The following IGF2BP3 variants were observed in gnomAD, a reference collection of about 807,000 sequenced individuals.
The protein encoded by IGF2BP3 is insulin-like growth factor 2 mRNA-binding protein 3.
In IGF2BP3, 9 loss-of-function variants were observed where a neutral mutation model predicts 73.8. The ratio of observed to expected loss-of-function variants is 0.12; its 90% confidence interval spans 0.07 to 0.21. The LOEUF is 0.21. Among genes scored for constraint, IGF2BP3 ranks in the 10% least tolerant of loss-of-function variants. The probability of loss-of-function intolerance (pLI) is 1.00; values close to 1 mark genes in which losing one functional copy is unlikely to be tolerated. For missense variants in IGF2BP3, 542 were observed against 714.0 expected, an observed-to-expected ratio of 0.76 and a Z score of 2.75; for synonymous variants, 258 against 256.7, an observed-to-expected ratio of 1.01 and a Z score of -0.05.
intron 2 of IGF2BP3, among the ~76,000 whole-genome samples, chr7:23,430,171 C>A (rs962233237): frequency 6.6e-6 from 1 of 151,718 alleles, no homozygotes; most frequent in African/African-American, 2.4e-5. Flanking sequence ...GCAACCTCCA[C>A]CTCCCGGGTT....
intron 9 of IGF2BP3, among the ~76,000 whole-genome samples, chr7:23,343,232 A>G (rs1357024196): frequency 1.3e-5 from 2 of 152,174 alleles, no homozygotes; most frequent in East Asian, 3.9e-4. Context: ...TAACTTTTAT[A>G]TGCATTATAT....
intron 12 of IGF2BP3, among the ~76,000 whole-genome samples, chr7:23,316,813 A>G (rs762685033): frequency 2.0e-5 from 3 of 152,156 alleles, no homozygotes; most frequent in South Asian, 2.1e-4. Flanking sequence ...TAAAAGGAAT[A>G]TATTTATGAA....
At chr7:23,327,605 A>C (rs1410232836) in intron 10 of IGF2BP3, among the ~76,000 whole-genome samples, 1 of 152,186 alleles carries the variant, frequency 6.6e-6, no homozygotes, top group African/African-American at 2.4e-5. Flanking sequence ...AGTCTCAAAC[A>C]ACCGCAGAGC....
intron 3 of IGF2BP3, among the ~76,000 whole-genome samples, chr7:23,389,828 TAAAA>T (rs748999337): frequency 1.8e-5 from 2 of 108,404 alleles, no homozygotes; most frequent in Non-Finnish European, 3.9e-5. Context: ...ATCCCTTCTG[TAAAA>T]AAAAAAAAAA....
At chr7:23,411,861 TG>T (rs1787033548) in intron 3 of IGF2BP3, among the ~76,000 whole-genome samples, 1 of 152,128 alleles carries the variant, frequency 6.6e-6, no homozygotes, top group East Asian at 1.9e-4. Context: ...CGGCTTACAG[TG>T]GGGTCTCTCT....
chr7:23,411,137 A>G (rs2128531161), intron 3 of IGF2BP3, among the ~76,000 whole-genome samples: 1 of 152,288 alleles, frequency 6.6e-6, no homozygotes, highest in African/African-American at 2.4e-5. Context: ...CAACCTTTAA[A>G]CTGGTTATTT....
intron 3 of IGF2BP3, among the ~76,000 whole-genome samples, chr7:23,383,191 T>A (rs1393676467): frequency 6.6e-6 from 1 of 152,124 alleles, no homozygotes; most frequent in Non-Finnish European, 1.5e-5. Flanking sequence ...GTGATGGAAG[T>A]GTAGCGCAAA....
At chr7:23,443,579 G>C (rs1405463357) in intron 2 of IGF2BP3, among the ~76,000 whole-genome samples, 1 of 152,054 alleles carries the variant, frequency 6.6e-6, no homozygotes, top group African/African-American at 2.4e-5. Flanking sequence ...GCTGAGGCAG[G>C]GGAATCTCTT....
intron 2 of IGF2BP3, among the ~76,000 whole-genome samples, chr7:23,432,143 A>T (rs1439860298): frequency 6.6e-6 from 1 of 152,182 alleles, no homozygotes; most frequent in Non-Finnish European, 1.5e-5. Context: ...TTTATCTTTT[A>T]CATTTGCACA....
At chr7:23,444,316 G>T (rs916224894) in intron 2 of IGF2BP3, among the ~76,000 whole-genome samples, 7 of 151,976 alleles carry the variant, frequency 4.6e-5, no homozygotes, top group African/African-American at 1.7e-4. Context: ...GTTTAAATAG[G>T]TTATAATGTA....
Position 23,409,480 on chromosome 7 carries a change from A to G in IGF2BP3, c.285+9296T>C, listed in dbSNP as rs888594115. Reference sequence around the variant, plus strand: ...AAAACAATAAAGTTGAAGGAATAATACTATTCAATTTTAAGACTTATAAAG... The same window carrying G: ...AAAACAATAAAGTTGAAGGAATAATGCTATTCAATTTTAAGACTTATAAAG... On this transcript the variant is annotated intron_variant, in intron 3 of 14. Transcript: ENST00000258729. 2.6e-5 allele frequency among the ~76,000 whole-genome samples: 4 copies of G among 152,038 alleles called. No homozygotes were observed. In the East Asian group the frequency reaches 5.8e-4, roughly 22 times the overall value.
rs1263874407 is a variant in IGF2BP3, at chr7:23,470,454, C to G, written c.-344G>C. On this transcript the variant is annotated 5_prime_UTR_variant, in exon 1 of 15. Coordinates refer to ENST00000258729, the MANE Select transcript of IGF2BP3 (RefSeq NM_006547.3). ...CTTTTTGTCTCTTCCTTCCCAACCC[C>G]TTTGGCTTCGGCCAGCGGACTGTGA... 6.3e-6 allele frequency: 1 copy of G among 158,248 alleles called. No individual in the cohort carries two copies. The highest frequency in any genetic ancestry group is 1.8e-4 in the East Asian group (1 of 5,558). 9.8% of individuals were successfully genotyped at this position (158,248 alleles called of 1,614,324 possible).
intron 10 of IGF2BP3, among the ~76,000 whole-genome samples, chr7:23,328,058 A>C (rs115891980): frequency 1.2e-3 from 176 of 152,292 alleles, no homozygotes; most frequent in African/African-American, 4.1e-3. Flanking sequence ...TTGTCTCTCT[A>C]GACGCCCACC....
chr7:23,385,726 T>C (rs773700290), intron 3 of IGF2BP3, among the ~76,000 whole-genome samples: 3 of 150,978 alleles, frequency 2.0e-5, no homozygotes, highest in South Asian at 2.1e-4. Context: ...TCTATTTTTA[T>C]TTTTTTATTA....
chr7:23,469,451 C>G lies in IGF2BP3; in HGVS notation c.175+485G>C, dbSNP rs1278402040. 6.6e-6 allele frequency: 1 copy of G among 152,378 alleles called. No individual in the cohort carries two copies. The highest frequency in any genetic ancestry group is 1.5e-5 in the Non-Finnish European group (1 of 68,176). The allele number at this position is 152,378 out of a possible 1,614,324, so 9.4% of individuals were successfully genotyped here. ...CTGTGCGAGGCACCAGCCTCGCGGT[C>G]TCACTCGGCAGCACGGTCGAGGCCA... On this transcript the variant is annotated intron_variant, in intron 1 of 14. Transcript: ENST00000258729. This position sits in a 1 kb window ranked among gnomAD's most constrained non-coding sequence, Gnocchi z 6.1.
At chr7:23,373,784 G>A (rs1785632509) in intron 3 of IGF2BP3, among the ~76,000 whole-genome samples, 3 of 152,206 alleles carry the variant, frequency 2.0e-5, no homozygotes, top group African/African-American at 7.2e-5. Flanking sequence ...CAGGTGGGAG[G>A]TGTTAGGGTC....
intron 2 of IGF2BP3, among the ~76,000 whole-genome samples, chr7:23,431,618 TGAACA>T (rs1398194316): frequency 2.0e-5 from 3 of 151,302 alleles, no homozygotes; most frequent in Admixed American, 6.6e-5. Context: ...TCTAGTGAAC[TGAACA>T]GGAGGAAGGA....
Position 23,351,437 on chromosome 7 carries a change from G to A in IGF2BP3, c.551C>T (p.Ser184Phe). ...TTTCTGCTTGGATACGGATCCTGGA[G>A]ACCCCTGCCTTGAGGAGCCCCTCTG... ...LGQRGSSRQG[S>F]PGSVSKQKPC... Residue 184 changes from serine to phenylalanine, a missense_variant, in exon 6 of 15, where the codon TCT becomes TTT. By Grantham distance (155) the Ser-to-Phe change is radical (BLOSUM62 -2). This residue lies in a region of IGF2BP3 where 239 missense variants were observed against 241.9 expected (regional missense o/e 0.99). Coordinates refer to ENST00000258729, the MANE Select transcript of IGF2BP3 (RefSeq NM_006547.3). 1 of 1,613,688 alleles carries A rather than the reference G, an allele frequency of 6.2e-7. No individual in the cohort carries two copies. Among genetic ancestry groups the A allele is most frequent in the Non-Finnish European group, 8.5e-7 (1 of 1,179,860 alleles).
At chr7:23,436,853 C>T (rs1223605608) in intron 2 of IGF2BP3, among the ~76,000 whole-genome samples, 1 of 152,180 alleles carries the variant, frequency 6.6e-6, no homozygotes, top group African/African-American at 2.4e-5. Context: ...CGGTGGCTCA[C>T]ACCTGTAATC....
Sources: allele counts gnomAD v4.1 joint callset (sites outside exome capture counted in the v4.1 genomes callset), GRCh38; gene constraint gnomAD v4.1.1; regional missense constraint gnomAD v4.1.1; non-coding constraint Gnocchi (gnomAD v3.1); transcripts MANE v1.5; gene names NCBI Gene and HGNC (gene_info 2026-07-23, HGNC 2026-07-21).